MGAT4C: variants seen among roughly 807,000 people sequenced by gnomAD.
MGAT4C encodes alpha-1,3-mannosyl-glycoprotein 4-beta-N-acetylglucosaminyltransferase C.
A neutral mutation model predicts 40.1 loss-of-function variants in MGAT4C; 19 were observed. That is an observed-to-expected ratio of 0.47 (90% confidence interval 0.33 to 0.70). The LOEUF is 0.70. MGAT4C is among the 30% of genes least tolerant of loss of function. MGAT4C has a pLI of 0.02. For missense variants in MGAT4C, 491 were observed against 563.2 expected, an observed-to-expected ratio of 0.87 and a Z score of 1.30; for synonymous variants, 181 against 187.1, an observed-to-expected ratio of 0.97 and a Z score of 0.27.
At chr12:86,418,746 T>A (rs987159189) in intron 3 of MGAT4C, among the ~76,000 whole-genome samples, 5 of 151,748 alleles carry the variant, frequency 3.3e-5, no homozygotes, top group African/African-American at 1.2e-4. Context: ...GGAGTACCAA[T>A]AAGGAGAAAC....
chr12:86,384,518 T>C (rs935684073), intron 3 of MGAT4C, among the ~76,000 whole-genome samples: 6 of 152,210 alleles, frequency 3.9e-5, no homozygotes, highest in African/African-American at 1.4e-4. Context: ...TAACGTAATG[T>C]GAGACTTAAA....
intron 1 of MGAT4C, among the ~76,000 whole-genome samples, chr12:86,742,880 T>C (rs1460671089): frequency 6.6e-6 from 1 of 151,648 alleles, no homozygotes; most frequent in African/African-American, 2.4e-5. Context: ...GATTTGTTAT[T>C]CCCAAACTAA....
At chr12:86,742,500 A>ATT (rs1951082892) in intron 1 of MGAT4C, among the ~76,000 whole-genome samples, 1 of 151,500 alleles carries the variant, frequency 6.6e-6, no homozygotes, top group Admixed American at 6.6e-5. Flanking sequence ...ACCTTGCTCC[A>ATT]TGAGTATGAC....
intron 2 of MGAT4C, among the ~76,000 whole-genome samples, chr12:86,633,480 G>T (rs1450465731): frequency 6.6e-6 from 1 of 152,052 alleles, no homozygotes; most frequent in African/African-American, 2.4e-5. Flanking sequence ...CATAGTAAGA[G>T]ACTGTGACAA....
chr12:86,344,441 G>A (rs1352276993), intron 3 of MGAT4C, among the ~76,000 whole-genome samples: 1 of 152,042 alleles, frequency 6.6e-6, no homozygotes, highest in African/African-American at 2.4e-5. Context: ...GCATTCCTGG[G>A]CCAAAAGAAA....
chr12:86,554,944 G>T (rs1024705587), intron 2 of MGAT4C, among the ~76,000 whole-genome samples: 1 of 151,988 alleles, frequency 6.6e-6, no homozygotes, highest in Non-Finnish European at 1.5e-5. Flanking sequence ...GAGGTAACCC[G>T]AATTCCTTAG....
In MGAT4C at chr12:86,743,150, A is replaced by G. The variant is rs532126573; in HGVS notation, c.-261-15909T>C. 1.8e-4 allele frequency among the ~76,000 whole-genome samples: 23 copies of G among 131,054 alleles called. No individual in the cohort carries two copies. The East Asian group carries it at 4.5e-3, about 26-fold the overall frequency. 86.0% of individuals were successfully genotyped at this position (131,054 alleles called of 152,430 possible). The stretch of plus-strand genomic sequence containing the variant: ...TGTGTGTGTGTGTGTGTGTGTGTAT[A>G]GAAGTGTCATTTCGGGGTCAGTCTC... On this transcript the variant is annotated intron_variant, in intron 1 of 7. Coordinates refer to the MGAT4C transcript ENST00000548651.
chr12:86,625,177 C>G (rs1962765134), intron 2 of MGAT4C, among the ~76,000 whole-genome samples: 1 of 152,090 alleles, frequency 6.6e-6, no homozygotes, highest in South Asian at 2.1e-4. Flanking sequence ...TCTCTGCTCT[C>G]TCTCCTGCCA....
intron 2 of MGAT4C, among the ~76,000 whole-genome samples, chr12:86,491,024 G>A (rs951712424): frequency 6.6e-6 from 1 of 151,996 alleles, no homozygotes; most frequent in African/African-American, 2.4e-5. Context: ...AGTTAACAAG[G>A]ATACCCAGGA....
intron 3 of MGAT4C, among the ~76,000 whole-genome samples, chr12:86,373,495 A>G (rs903537738): frequency 1.3e-5 from 2 of 151,908 alleles, no homozygotes; most frequent in Non-Finnish European, 2.9e-5. Flanking sequence ...TTTTTCCCCA[A>G]ATACTTACAG....
Position 86,673,756 on chromosome 12 carries a change from C to T in MGAT4C, c.-229+53453G>A, listed in dbSNP as rs80157641. 2.8e-3 allele frequency among the ~76,000 whole-genome samples: 429 copies of T among 151,902 alleles called. 16 individuals carry two copies. In the East Asian group the frequency reaches 0.066, roughly 24 times the overall value. On this transcript the variant is annotated intron_variant, in intron 2 of 7. Coordinates refer to the MGAT4C transcript ENST00000548651. ...CTTATTTCAAAATACACAAGTACAA[C>T]AAGAGGCAAAGTTATGTCTTACACT... is the stretch of plus-strand genomic sequence containing the variant.
At chr12:86,408,104 A>T (rs1369314399) in intron 3 of MGAT4C, among the ~76,000 whole-genome samples, 5 of 152,014 alleles carry the variant, frequency 3.3e-5, no homozygotes, top group Admixed American at 2.0e-4. Context: ...ACATACACGC[A>T]CACACACACA....
At chr12:86,222,748 T>G (rs1398331105) in intron 1 of MGAT4C, among the ~76,000 whole-genome samples, 2 of 152,196 alleles carry the variant, frequency 1.3e-5, no homozygotes, top group Non-Finnish European at 1.5e-5. Flanking sequence ...CACAGAGAGA[T>G]TTTACTTTTG....
intron 2 of MGAT4C, among the ~76,000 whole-genome samples, chr12:86,632,143 A>G (rs373242808): frequency 6.6e-6 from 1 of 152,132 alleles, no homozygotes; most frequent in African/African-American, 2.4e-5. Flanking sequence ...CAGCCAGCAG[A>G]CACATGAAAA....
At chr12:86,622,415 A>C (rs544958159) in intron 2 of MGAT4C, among the ~76,000 whole-genome samples, 1 of 152,310 alleles carries the variant, frequency 6.6e-6, no homozygotes, top group South Asian at 2.1e-4. Context: ...GGTCATAGAA[A>C]GTCTCATGTG....
At chr12:86,609,731 G>GATT (rs1358837716) in intron 2 of MGAT4C, among the ~76,000 whole-genome samples, 1 of 147,870 alleles carries the variant, frequency 6.8e-6, no homozygotes, top group East Asian at 1.9e-4. Flanking sequence ...TAAAAAGTAA[G>GATT]ATTTTTTTTT....
At chr12:86,474,079 A>T (rs1022505875) in intron 2 of MGAT4C, among the ~76,000 whole-genome samples, 6 of 152,200 alleles carry the variant, frequency 3.9e-5, no homozygotes, top group African/African-American at 1.4e-4. Flanking sequence ...CAGCAAAAGA[A>T]AGTCAGGCAC....
chr12:86,391,011 C>G (rs574793881), intron 3 of MGAT4C, among the ~76,000 whole-genome samples: 1 of 152,250 alleles, frequency 6.6e-6, no homozygotes, highest in Admixed American at 6.5e-5. Context: ...TAAAGGGTTA[C>G]AGAATATGGG....
At chr12:86,280,507 G>A (rs893543534) in intron 4 of MGAT4C, among the ~76,000 whole-genome samples, 1 of 151,736 alleles carries the variant, frequency 6.6e-6, no homozygotes, top group African/African-American at 2.4e-5. Flanking sequence ...CTACCATTTC[G>A]GATATAAAGC....
Sources: gnomAD v4.1 joint callset for allele counts (sites outside exome capture counted in the v4.1 genomes callset) on GRCh38, gnomAD v4.1.1 for gene constraint, MANE v1.5 for transcripts, NCBI Gene and HGNC (gene_info 2026-07-23, HGNC 2026-07-21) for gene names.